The following SLAIN2 variants were observed in gnomAD, a reference collection of about 807,000 sequenced individuals.
SLAIN2 encodes SLAIN family member 2.
In SLAIN2, 31 loss-of-function variants were observed where a neutral mutation model predicts 56.6. That is an observed-to-expected ratio of 0.55 (90% confidence interval 0.41 to 0.74). The LOEUF is 0.74. SLAIN2 is among the 30% of genes least tolerant of loss of function. The pLI, the probability that SLAIN2 is intolerant of heterozygous loss-of-function variation, is 0.00. For synonymous variants in SLAIN2, 317 were observed against 284.9 expected (o/e 1.11, Z -1.13); for missense variants, 777 against 754.2 (o/e 1.03, Z -0.35).
chr4:48,387,888 A>G (rs1035151351), intron 6 of SLAIN2, among the ~76,000 whole-genome samples: 1 of 152,120 alleles, frequency 6.6e-6, no homozygotes, highest in Non-Finnish European at 1.5e-5. Context: ...AATAAGCTTT[A>G]TATACTTTAT....
chr4:48,417,736 C>T (rs1170526512), intron 6 of SLAIN2, among the ~76,000 whole-genome samples: 1 of 143,642 alleles, frequency 7.0e-6, no homozygotes, highest in Non-Finnish European at 1.5e-5. Flanking sequence ...ATAAACAGAG[C>T]CAAAGACAAA....
chr4:48,382,525 G>A (rs767520718), intron 4 of SLAIN2, 43 bp from the exon 5 acceptor site: 15 of 1,410,460 alleles, frequency 1.1e-5, no homozygotes, highest in Non-Finnish European at 1.4e-5. Flanking sequence ...TTATTTAAAT[G>A]TTTAAAAATA....
intron 3 of SLAIN2, 115 bp downstream of exon 3, chr4:48,378,175 G>C: frequency 8.1e-7 from 1 of 1,236,762 alleles, no homozygotes; most frequent in Non-Finnish European, 1.1e-6. Flanking sequence ...ACTTTTAACT[G>C]GTTAAAGAAA....
intron 6 of SLAIN2, among the ~76,000 whole-genome samples, chr4:48,418,658 G>T (rs1467558232): frequency 6.6e-6 from 1 of 151,924 alleles, no homozygotes. Flanking sequence ...AGTAATACTG[G>T]CTTCATAAAA....
intron 2 of SLAIN2, 95 bp from the exon 3 acceptor site, chr4:48,377,801 A>G (rs1330370170): frequency 1.8e-6 from 2 of 1,135,838 alleles, no homozygotes; most frequent in Admixed American, 2.6e-5. Context: ...TTAAATTGAG[A>G]TAATGATTTA....
chr4:48,362,502 TCTGACTC>T (rs1715355085), intron 1 of SLAIN2, among the ~76,000 whole-genome samples: 1 of 110,516 alleles, frequency 9.0e-6, no homozygotes, highest in Non-Finnish European at 2.4e-5. Context: ...CACTACAACC[TCTGACTC>T]CTAGGTTCAA....
intron 6 of SLAIN2, among the ~76,000 whole-genome samples, chr4:48,393,386 T>TTTGTGTGTGTG (rs376243251): frequency 7.4e-6 from 1 of 135,448 alleles, no homozygotes; most frequent in Non-Finnish European, 1.6e-5. Flanking sequence ...CATGTCTGGC[T>TTTGTGTGTGTG]TGTGTGTGTG....
intron 1 of SLAIN2, 47 bp downstream of exon 1, chr4:48,342,175 G>A: frequency 3.8e-6 from 5 of 1,330,198 alleles, no homozygotes; most frequent in Non-Finnish European, 4.8e-6. Context: ...CGGGCCCGGG[G>A]GCGGAGAGCG....
chr4:48,422,993 C>G lies in SLAIN2; in HGVS notation c.*916C>G, dbSNP rs1199213278. On this transcript the variant is annotated 3_prime_UTR_variant, in exon 8 of 8. Transcript: ENST00000264313. ...AGAACAAGTAGTGTGTGTCTTTATT[C>G]TTGATACAACACCACCTCGGTGCTT... is the stretch of plus-strand genomic sequence containing the variant. 1 of 152,120 alleles carries G rather than the reference C, an allele frequency of 6.6e-6. No homozygotes were observed. Among genetic ancestry groups the G allele is most frequent in the African/African-American group, 2.4e-5 (1 of 41,420 alleles). The allele number at this position is 152,120 out of a possible 1,614,324, so 9.4% of individuals were successfully genotyped here. A position where few individuals can be genotyped will look rare whatever the true frequency, so the allele number is the denominator to read the frequency against.
At chr4:48,371,969 TATACACAC>T (rs1214344489) in intron 2 of SLAIN2, among the ~76,000 whole-genome samples, 3 of 61,084 alleles carry the variant, frequency 4.9e-5, no homozygotes, top group South Asian at 1.2e-3. Context: ...ACAAAAAGTA[TATACACAC>T]ACACACACAC....
chr4:48,422,307 T>A lies in SLAIN2; in HGVS notation c.*230T>A, dbSNP rs1184277768. 8 of 401,644 alleles carry A rather than the reference T, an allele frequency of 2.0e-5. No homozygotes were observed. The Admixed American group carries it at 2.5e-4, about 12-fold the overall frequency. The allele number at this position is 401,644 out of a possible 1,614,324, so 24.9% of individuals were successfully genotyped here. A position where few individuals can be genotyped will look rare whatever the true frequency, so the allele number is the denominator to read the frequency against. ...ACAATCACTCTCCATAGAATCACTTTTAGTTTTGTTTAATAGAAACTAGGT... is the reference window on the plus strand; with the variant it reads ...ACAATCACTCTCCATAGAATCACTTATAGTTTTGTTTAATAGAAACTAGGT... On this transcript the variant is annotated 3_prime_UTR_variant, in exon 8 of 8. Transcript: ENST00000264313.
intron 1 of SLAIN2, among the ~76,000 whole-genome samples, chr4:48,357,108 G>C (rs1715177442): frequency 6.6e-6 from 1 of 150,480 alleles, no homozygotes; most frequent in East Asian, 1.9e-4. Context: ...AAAACCAGAA[G>C]AACATATTAT....
At chr4:48,395,976 TTTG>T (rs1716370073) in intron 6 of SLAIN2, among the ~76,000 whole-genome samples, 3 of 152,002 alleles carry the variant, frequency 2.0e-5, no homozygotes, top group Non-Finnish European at 2.9e-5. Flanking sequence ...TTATATAAAT[TTTG>T]TTGTTTGCCT....
chr4:48,402,104 T>G (rs979572069), intron 6 of SLAIN2, among the ~76,000 whole-genome samples: 7 of 152,180 alleles, frequency 4.6e-5, no homozygotes, highest in Admixed American at 4.6e-4. Flanking sequence ...CCCCCCAATC[T>G]CTTCTGGCTT....
rs185559546 is a variant in SLAIN2, at chr4:48,372,572, A to G, written c.538+2575A>G. 6.1e-4 allele frequency among the ~76,000 whole-genome samples: 93 copies of G among 152,304 alleles called. 1 individual carries two copies. The highest frequency in any genetic ancestry group is 1.8e-3 in the Admixed American group (28 of 15,298). ...AATTATTAGCAATTGGTGACTAGCA[A>G]CCTGGACTTGGGTAAAAGTAAAGCT... On this transcript the variant is annotated intron_variant, in intron 2 of 7. Coordinates refer to ENST00000264313, the MANE Select transcript of SLAIN2 (RefSeq NM_020846.2).
At chr4:48,379,112 C>A (rs908729013) in intron 3 of SLAIN2, among the ~76,000 whole-genome samples, 1 of 151,976 alleles carries the variant, frequency 6.6e-6, no homozygotes, top group African/African-American at 2.4e-5. Context: ...ATTCTTTATT[C>A]CTCTGGCCTG....
chr4:48,346,475 C>CTCTGA, intron 1 of SLAIN2, among the ~76,000 whole-genome samples: 2 of 152,218 alleles, frequency 1.3e-5, no homozygotes, highest in East Asian at 3.9e-4. Flanking sequence ...TGTCCCAATT[C>CTCTGA]AGAGCTAGGT....
intron 1 of SLAIN2, among the ~76,000 whole-genome samples, chr4:48,364,829 C>T (rs1283271518): frequency 5.6e-5 from 7 of 125,326 alleles, no homozygotes; most frequent in South Asian, 3.4e-4. Context: ...AGTCCAGCTT[C>T]GGCTCCGCAT....
At chr4:48,385,471 A>G (rs1309102369) in intron 6 of SLAIN2, among the ~76,000 whole-genome samples, 2 of 152,126 alleles carry the variant, frequency 1.3e-5, no homozygotes, top group African/African-American at 4.8e-5. Flanking sequence ...CTTGTGGCAT[A>G]TTACTATCAG....
Sources: allele counts gnomAD v4.1 joint callset (sites outside exome capture counted in the v4.1 genomes callset), GRCh38; gene constraint gnomAD v4.1.1; transcripts MANE v1.5; gene names NCBI Gene and HGNC (gene_info 2026-07-23, HGNC 2026-07-21).